Variants in RMDN1 observed in about 807,000 individuals in gnomAD.
RMDN1 encodes regulator of microtubule dynamics protein 1.
A neutral mutation model predicts 48.9 loss-of-function variants in RMDN1; 48 were observed. The observed-to-expected ratio is 0.98, with a 90% CI of 0.78 to 1.25. RMDN1 has a LOEUF of 1.25. Among genes scored for constraint, RMDN1 ranks in the 50% most tolerant of loss-of-function variants. RMDN1 has a pLI of 0.00. For synonymous variants in RMDN1, 148 were observed against 132.6 expected (o/e 1.12, Z -0.80); for missense variants, 418 against 373.4 (o/e 1.12, Z -0.98).
intron 2 of RMDN1, among the ~76,000 whole-genome samples, chr8:86,497,160 T>C (rs1018909064): frequency 2.0e-5 from 3 of 152,204 alleles, no homozygotes; most frequent in African/African-American, 7.2e-5. Context: ...GGAAAGTTTA[T>C]GGTGCTAAAT....
chr8:86,504,494 C>A (rs1374433086), intron 2 of RMDN1: 7 of 1,532,900 alleles, frequency 4.6e-6, no homozygotes, highest in Non-Finnish European at 6.3e-6. Flanking sequence ...GTTCAAGAGC[C>A]CATCTATGCC....
chr8:86,482,802 C>G (rs1201032420), intron 5 of RMDN1: 3 of 973,188 alleles, frequency 3.1e-6, no homozygotes, highest in East Asian at 4.8e-5. Context: ...TATCAGAACC[C>G]AAAATGGAGA....
At chr8:86,475,104 TCAAA>T (rs960854129) in intron 8 of RMDN1, 151 bp from the exon 9 acceptor site, 11 of 554,476 alleles carry the variant, frequency 2.0e-5, no homozygotes, top group East Asian at 1.6e-4. Flanking sequence ...TGTTTATATC[TCAAA>T]CAAATATTTG....
At chr8:86,492,630 G>A (rs1036133412) in intron 2 of RMDN1, among the ~76,000 whole-genome samples, 1 of 149,752 alleles carries the variant, frequency 6.7e-6, no homozygotes, top group African/African-American at 2.5e-5. Flanking sequence ...TCTAGCCTGG[G>A]GTACAGAGCA....
chr8:86,486,637 A>G lies in RMDN1; in HGVS notation c.342T>C (p.Asp114=), dbSNP rs1815526778. The G allele has an allele frequency of 1.9e-6, 3 of 1,581,884 alleles. No homozygotes were observed. The highest frequency in any genetic ancestry group is 2.6e-6 in the Non-Finnish European group (3 of 1,166,462). The change falls in exon 4 of 10, where the codon GAT becomes GAC. Residue 114 remains aspartate, a synonymous_variant. Coordinates refer to ENST00000406452, the MANE Select transcript of RMDN1 (RefSeq NM_016033.3). ...QLLTQYKESE[D]AELLWRLARA... ...GTGCCAAACGCCACAGTAACTCTGC[A>G]TCTTCACTAATTTGAAATAAAATAT...
intron 5 of RMDN1, chr8:86,482,466 T>C (rs997735138): frequency 5.4e-6 from 3 of 552,350 alleles, no homozygotes; most frequent in Non-Finnish European, 1.0e-5. Context: ...ATGCCATATA[T>C]TATTAGAAAG....
intron 2 of RMDN1, 122 bp from the exon 3 acceptor site, chr8:86,488,761 C>A: frequency 1.9e-6 from 1 of 526,090 alleles, no homozygotes; most frequent in Non-Finnish European, 3.2e-6. Flanking sequence ...ACAGAAATGA[C>A]CTACAATGAA....
chr8:86,470,485 C>T, downstream of RMDN1: 7 of 1,166,702 alleles, frequency 6.0e-6, no homozygotes, highest in South Asian at 1.1e-4. Flanking sequence ...GCAGAAGAAA[C>T]CTAACCCTCA....
intron 5 of RMDN1, chr8:86,482,698 A>G: frequency 1.0e-6 from 1 of 975,720 alleles, no homozygotes; most frequent in Non-Finnish European, 1.7e-6. Context: ...GATCAAGGGG[A>G]CCCCAGCTTT....
intron 2 of RMDN1, among the ~76,000 whole-genome samples, chr8:86,492,690 A>AT (rs1327802055): frequency 6.7e-6 from 1 of 148,852 alleles, no homozygotes; most frequent in Non-Finnish European, 1.5e-5. Flanking sequence ...AATAATAATA[A>AT]AGAGATAATG....
intron 2 of RMDN1, among the ~76,000 whole-genome samples, chr8:86,496,164 GGAAAT>G (rs1287143797): frequency 2.0e-5 from 3 of 152,178 alleles, no homozygotes; most frequent in Admixed American, 1.3e-4. Context: ...TGCTAAACAT[GGAAAT>G]GAAAGACCAA....
chr8:86,484,962 C>G lies in RMDN1; in HGVS notation c.496-1G>C, dbSNP rs1201080217. 6.4e-7 allele frequency: 1 copy of G among 1,561,308 alleles called. No homozygotes were observed. The highest frequency in any genetic ancestry group is 1.8e-5 in the Admixed American group (1 of 55,144). ...CATCACTAAGGCAGATTGCATACCA[C>G]TGAAAATTTAAAAAAGTGTAAGAAC... is the stretch of plus-strand genomic sequence containing the variant. On this transcript the variant is annotated splice_acceptor_variant, in intron 4 of 9. Transcript: ENST00000406452. LOFTEE classifies it high-confidence loss of function.
At chr8:86,492,274 G>A (rs1816637194) in intron 2 of RMDN1, among the ~76,000 whole-genome samples, 1 of 152,142 alleles carries the variant, frequency 6.6e-6, no homozygotes, top group South Asian at 2.1e-4. Flanking sequence ...TATCTTTTAA[G>A]CATTTTACAC....
upstream of RMDN1, among the ~76,000 whole-genome samples, chr8:86,509,184 CAAAGAAACAAAAAATGCA>C (rs1819901452): frequency 6.6e-6 from 1 of 151,864 alleles, no homozygotes; most frequent in African/African-American, 2.4e-5. Context: ...GAGTCCAGAG[CAAAGAAACAAAAAATGCA>C]AAGCGTTTTG....
At chr8:86,483,317 T>C (rs905565571) in intron 5 of RMDN1, among the ~76,000 whole-genome samples, 1 of 152,200 alleles carries the variant, frequency 6.6e-6, no homozygotes. Flanking sequence ...CATTTGTGTA[T>C]TTTCTACAGT....
At chr8:86,495,016 T>G (rs2131026185) in intron 2 of RMDN1, 1 of 350,246 alleles carries the variant, frequency 2.9e-6, no homozygotes, top group East Asian at 8.3e-5. Context: ...TTTTATGTCC[T>G]CAAGACACTT....
chr8:86,488,220 T>C (rs1032730270), intron 3 of RMDN1, among the ~76,000 whole-genome samples: 1 of 152,108 alleles, frequency 6.6e-6, no homozygotes, highest in African/African-American at 2.4e-5. Context: ...AAAGTTACTT[T>C]AAAAGAAAAA....
At chr8:86,505,365 T>C in intron 2 of RMDN1, 1 of 457,588 alleles carries the variant, frequency 2.2e-6, no homozygotes, top group Non-Finnish European at 4.4e-6. Context: ...TTCCTTGGGT[T>C]CTAATATTGC....
upstream of RMDN1, among the ~76,000 whole-genome samples, chr8:86,513,290 G>A (rs894697080): frequency 6.6e-6 from 1 of 152,138 alleles, no homozygotes; most frequent in Non-Finnish European, 1.5e-5. Flanking sequence ...CAGGAGAATC[G>A]CTTGAACCCG....
Sources: allele counts gnomAD v4.1 joint callset (sites outside exome capture counted in the v4.1 genomes callset), GRCh38; gene constraint gnomAD v4.1.1; transcripts MANE v1.5; gene names NCBI Gene and HGNC (gene_info 2026-07-23, HGNC 2026-07-21).